Variants in ETV1 observed in about 807,000 individuals in gnomAD.
ETV1 encodes ETS variant transcription factor 1.
A neutral mutation model predicts 62.3 loss-of-function variants in ETV1; 27 were observed. That is an observed-to-expected ratio of 0.43 (90% CI 0.32 to 0.60). ETV1 has a LOEUF of 0.60. ETV1 is among the 20% of genes least tolerant of loss of function. The pLI, the probability that ETV1 is intolerant of heterozygous loss-of-function variation, is 0.06. For missense variants in ETV1, 605 were observed against 605.8 expected (o/e 1.00, Z 0.01); for synonymous variants, 222 against 199.6 (o/e 1.11, Z -0.94).
rs1781729179 is a variant in ETV1 at position 13,895,926 on chromosome 7, G to C, written c.1374C>G (p.Ala458=). The C allele has an allele frequency of 6.2e-7, 1 of 1,613,720 alleles. No individual in the cohort carries two copies. Among genetic ancestry groups the C allele is most frequent in the Non-Finnish European group, 8.5e-7 (1 of 1,179,810 alleles). The change falls in exon 14 of 14, where the codon GCC becomes GCG. Residue 458 remains alanine (A), a synonymous_variant. Coordinates refer to ENST00000430479, the MANE Select transcript of ETV1 (RefSeq NM_004956.5). ...TGCAGCAGCCCCCTTCCGGCATGTA[G>C]GCCATGCTCTCATCAAAGTGAGAAA... ...VPLSHFDESM[A]YMPEGGCCNP... is the part of the protein sequence containing the mutation.
At chr7:13,935,937 G>A in intron 7 of ETV1, 41 bp from the exon 8 acceptor site, 1 of 1,470,556 alleles carries the variant, frequency 6.8e-7, no homozygotes, top group Non-Finnish European at 9.2e-7. Context: ...TTCTTTCTTT[G>A]GAGCAATTTT....
chr7:13,985,415 T>G (rs905540515), intron 5 of ETV1: 1 of 152,128 alleles, frequency 6.6e-6, no homozygotes, highest in African/African-American at 2.4e-5. Flanking sequence ...CTATTTAACT[T>G]TAAAGATTGA....
chr7:13,977,401 C>T, intron 6 of ETV1, 26 bp downstream of exon 6: 2 of 1,447,398 alleles, frequency 1.4e-6, no homozygotes, highest in Non-Finnish European at 1.9e-6. Flanking sequence ...CAGAAAAATA[C>T]AAGAGATGAG....
rs928077598 is a variant in ETV1 at position 13,921,334 on chromosome 7, A to G, written c.803-10027T>C. ...ACTAAAGATGGCAATATTTAAAAATATCCAGAGTTTTTATGGAGAGGAAGC... is the reference window on the plus strand; with the variant it reads ...ACTAAAGATGGCAATATTTAAAAATGTCCAGAGTTTTTATGGAGAGGAAGC... On this transcript the variant is annotated intron_variant, in intron 9 of 13. Coordinates refer to ENST00000430479, the MANE Select transcript of ETV1 (RefSeq NM_004956.5). 5.9e-5 allele frequency among the ~76,000 whole-genome samples: 9 copies of G among 152,258 alleles called. No homozygotes were observed. In the East Asian group the frequency reaches 1.5e-3, roughly 26 times the overall value.
intron 6 of ETV1, among the ~76,000 whole-genome samples, chr7:13,956,070 T>C (rs1789412944): frequency 6.6e-6 from 1 of 152,220 alleles, no homozygotes; most frequent in African/African-American, 2.4e-5. Context: ...TATTAAGTCA[T>C]ATTTATACCA....
intron 6 of ETV1, among the ~76,000 whole-genome samples, chr7:13,960,476 C>T (rs868433670): frequency 2.6e-4 from 39 of 152,072 alleles, no homozygotes; most frequent in Admixed American, 1.1e-3. Context: ...CATTTATTTT[C>T]CCCTTTTACT....
In ETV1 at chr7:13,935,719, G is replaced by A. The variant is rs1786728235; in HGVS notation, c.543C>T (p.Pro181=). The A allele has an allele frequency of 6.2e-7, 1 of 1,613,556 alleles. No homozygotes were observed. Among genetic ancestry groups the A allele is most frequent in the African/African-American group, 1.3e-5 (1 of 74,900 alleles). ...TATCTGCAGGTTACCTGTGGTCCATGGGGTAGCTGCTATCTGGTATGGACT... is the reference window on the plus strand; with the variant it reads ...TATCTGCAGGTTACCTGTGGTCCATAGGGTAGCTGCTATCTGGTATGGACT... ...PSQSIPDSSY[P]MDHRFRRQLS... is the part of the protein sequence containing the mutation. Residue 181 remains proline (P), a synonymous_variant, in exon 8 of 14, where the codon CCC becomes CCT. Transcript: ENST00000430479.
At chr7:13,988,041 A>G (rs1782706536) in intron 4 of ETV1, 45 bp downstream of exon 4, 3 of 1,025,498 alleles carry the variant, frequency 2.9e-6, no homozygotes, top group Non-Finnish European at 4.7e-6. Flanking sequence ...CAGGGTGGAG[A>G]GTGTAGGTAA....
chr7:13,941,686 C>T (rs1422841858), intron 6 of ETV1, among the ~76,000 whole-genome samples: 2 of 152,020 alleles, frequency 1.3e-5, no homozygotes, highest in East Asian at 3.9e-4. Context: ...GCCTGGTCAA[C>T]ATGGTGAAAC....
At chr7:13,942,241 T>C (rs1284070754) in intron 6 of ETV1, among the ~76,000 whole-genome samples, 2 of 152,076 alleles carry the variant, frequency 1.3e-5, no homozygotes, top group Non-Finnish European at 2.9e-5. Context: ...GCCAGGATGG[T>C]CTCGATCTCC....
chr7:13,967,829 T>A (rs1299561076), intron 6 of ETV1, among the ~76,000 whole-genome samples: 1 of 152,104 alleles, frequency 6.6e-6, no homozygotes, highest in Non-Finnish European at 1.5e-5. Flanking sequence ...ACTTACATAT[T>A]CTATGAGGTG....
rs771410991 is a variant in ETV1, at chr7:13,931,682, G to C, written c.622C>G (p.Arg208Gly). ...GACATCTGGCGTTGGTACATAGGACGTCCTTCCCTTGGCATCGTCGGCAAA... is the reference window on the plus strand; with the variant it reads ...GACATCTGGCGTTGGTACATAGGACCTCCTTCCCTTGGCATCGTCGGCAAA... Reference protein sequence around the residue: ...PPLPTMPREGRPMYQRQMSEP... With the variant: ...PPLPTMPREGGPMYQRQMSEP... The change falls in exon 9 of 14, where the codon CGT becomes GGT. Residue 208 changes from arginine to glycine, a missense_variant. Physicochemically the swap from Arg to Gly is moderately radical, Grantham distance 125. Coordinates refer to ENST00000430479, the MANE Select transcript of ETV1 (RefSeq NM_004956.5). 6.2e-7 allele frequency: 1 copy of C among 1,613,906 alleles called. No homozygotes were observed.
intron 8 of ETV1, among the ~76,000 whole-genome samples, chr7:13,934,766 G>C (rs565327796): frequency 6.6e-6 from 1 of 152,090 alleles, no homozygotes; most frequent in Non-Finnish European, 1.5e-5. Context: ...CTGTGCTATT[G>C]CATCTTTGCA....
chr7:13,984,650 T>C (rs1293652392), intron 5 of ETV1, among the ~76,000 whole-genome samples: 3 of 151,970 alleles, frequency 2.0e-5, no homozygotes, highest in African/African-American at 7.2e-5. Flanking sequence ...AGTTTGTAAA[T>C]AGTAGTCCAC....
At chr7:13,940,220 G>A (rs551175342) in intron 6 of ETV1, among the ~76,000 whole-genome samples, 9 of 152,002 alleles carry the variant, frequency 5.9e-5, no homozygotes, top group Middle Eastern at 3.4e-3. Context: ...AAATTAGGCC[G>A]GTATGATGGC....
At chr7:13,945,257 A>G (rs1171586390) in intron 6 of ETV1, among the ~76,000 whole-genome samples, 1 of 152,170 alleles carries the variant, frequency 6.6e-6, no homozygotes, top group African/African-American at 2.4e-5. Flanking sequence ...TGTATGCCGC[A>G]TTCAAATAGG....
intron 3 of ETV1, chr7:13,988,547 TCCCCA>T: frequency 2.7e-5 from 9 of 337,720 alleles, no homozygotes; most frequent in Non-Finnish European, 3.6e-5. Flanking sequence ...CAGCCCCTCC[TCCCCA>T]CCCCACCCCC....
At chr7:13,977,894 G>A (rs1352889210) in intron 5 of ETV1, among the ~76,000 whole-genome samples, 2 of 152,052 alleles carry the variant, frequency 1.3e-5, no homozygotes, top group Non-Finnish European at 2.9e-5. Flanking sequence ...TATTTTAAGT[G>A]ATGTGCAGTT....
intron 9 of ETV1, among the ~76,000 whole-genome samples, chr7:13,921,153 G>GA (rs1026307244): frequency 6.6e-6 from 1 of 152,068 alleles, no homozygotes; most frequent in Admixed American, 6.6e-5. Context: ...AGTTAGGAGG[G>GA]AAAAAATGAG....
Sources: allele counts gnomAD v4.1 joint callset (sites outside exome capture counted in the v4.1 genomes callset), GRCh38; gene constraint gnomAD v4.1.1; transcripts MANE v1.5; gene names NCBI Gene and HGNC (gene_info 2026-07-23, HGNC 2026-07-21).